The following MFHAS1 variants were observed in gnomAD, a reference collection of about 807,000 sequenced individuals.
The protein encoded by MFHAS1 is malignant fibrous histiocytoma-amplified sequence 1.
In MFHAS1, 50 loss-of-function variants were observed where a neutral mutation model predicts 70.4. That is an observed-to-expected ratio of 0.71 (90% CI 0.57 to 0.90). The LOEUF (loss-of-function observed/expected upper bound fraction) is 0.90, where lower values mean the gene tolerates loss of function less well. Among genes scored for constraint, MFHAS1 ranks in the 40% least tolerant of loss-of-function variants. The probability of loss-of-function intolerance (pLI) is 0.00; values close to 1 mark genes in which losing one functional copy is unlikely to be tolerated. For missense variants in MFHAS1, 1,795 were observed against 1,347.6 expected, an observed-to-expected ratio of 1.33 and a Z score of -5.20; for synonymous variants, 952 against 620.0, an observed-to-expected ratio of 1.54 and a Z score of -7.96.
At chr8:8,850,963 A>T (rs1039794367) in intron 1 of MFHAS1, among the ~76,000 whole-genome samples, 4 of 152,044 alleles carry the variant, frequency 2.6e-5, no homozygotes, top group African/African-American at 4.8e-5. Context: ...TATTCACCCC[A>T]TAGCTCCATC....
intron 1 of MFHAS1, among the ~76,000 whole-genome samples, chr8:8,853,155 G>T (rs1035152068): frequency 6.6e-6 from 1 of 151,750 alleles, no homozygotes; most frequent in African/African-American, 2.4e-5. Context: ...CACCCACTCA[G>T]GCTTATTTAC....
chr8:8,790,473 G>A (rs2117244950), intron 2 of MFHAS1: 5 of 612,626 alleles, frequency 8.2e-6, no homozygotes, highest in Non-Finnish European at 8.2e-6. Context: ...CAATGTGGCT[G>A]ACGGGAGACT....
At chr8:8,866,469 C>A (rs1351100604) in intron 1 of MFHAS1, among the ~76,000 whole-genome samples, 1 of 152,114 alleles carries the variant, frequency 6.6e-6, no homozygotes, top group Non-Finnish European at 1.5e-5. Context: ...CAGGCATGCA[C>A]CACCACGCCC....
intron 1 of MFHAS1, among the ~76,000 whole-genome samples, chr8:8,812,696 G>C (rs1425797336): frequency 6.6e-6 from 1 of 152,154 alleles, no homozygotes; most frequent in African/African-American, 2.4e-5. Flanking sequence ...CTTTTGCTTT[G>C]TGCTTGTTTT....
intron 1 of MFHAS1, among the ~76,000 whole-genome samples, chr8:8,835,564 T>G (rs73504232): frequency 2.9e-4 from 44 of 152,342 alleles, no homozygotes; most frequent in African/African-American, 1.1e-3. Context: ...ATTCCAAACT[T>G]GCTATATAAT....
At chr8:8,860,430 G>A (rs759557734) in intron 1 of MFHAS1, among the ~76,000 whole-genome samples, 38 of 152,260 alleles carry the variant, frequency 2.5e-4, no homozygotes, top group African/African-American at 8.2e-4. Flanking sequence ...CTTCAAGAAC[G>A]CCCTCTGTTC....
chr8:8,870,658 G>A (rs1284028393), intron 1 of MFHAS1, among the ~76,000 whole-genome samples: 2 of 152,020 alleles, frequency 1.3e-5, no homozygotes, highest in Non-Finnish European at 2.9e-5. Context: ...CACACACGTG[G>A]ATCAAGACAG....
At chr8:8,804,916 A>C (rs1453341525) in intron 1 of MFHAS1, among the ~76,000 whole-genome samples, 1 of 152,218 alleles carries the variant, frequency 6.6e-6, no homozygotes, top group African/African-American at 2.4e-5. Flanking sequence ...TCGTCCTGAC[A>C]GTAATGTTTG....
At chr8:8,879,046 G>C (rs937701315) in intron 1 of MFHAS1, among the ~76,000 whole-genome samples, 2 of 151,996 alleles carry the variant, frequency 1.3e-5, no homozygotes, top group African/African-American at 4.8e-5. Flanking sequence ...GTCTATAAAT[G>C]ACAAAAAAGG....
intron 1 of MFHAS1, among the ~76,000 whole-genome samples, chr8:8,859,075 G>A (rs1227731215): frequency 6.6e-6 from 1 of 152,216 alleles, no homozygotes; most frequent in Admixed American, 6.5e-5. Context: ...CACCACGGCT[G>A]GTAGTGATGG....
At chr8:8,815,488 G>A (rs552775963) in intron 1 of MFHAS1, among the ~76,000 whole-genome samples, 1 of 152,292 alleles carries the variant, frequency 6.6e-6, no homozygotes, top group Non-Finnish European at 1.5e-5. Flanking sequence ...CACCAACAGT[G>A]TAAAAGCATT....
intron 2 of MFHAS1, 130 bp downstream of exon 2, chr8:8,797,235 G>T: frequency 1.1e-6 from 1 of 949,756 alleles, no homozygotes; most frequent in Non-Finnish European, 1.5e-6. Context: ...TCATCCAGAA[G>T]AATTATGTCT....
intron 1 of MFHAS1, among the ~76,000 whole-genome samples, chr8:8,850,633 G>A (rs1191288737): frequency 6.6e-6 from 1 of 151,974 alleles, no homozygotes; most frequent in African/African-American, 2.4e-5. Context: ...CTAAGGTCAG[G>A]AGACCAGCCT....
In MFHAS1 at chr8:8,849,099, G is replaced by T. The variant is rs1456088153; in HGVS notation, c.2998+40962C>A. ...TTTTTTTTTTTTTTTTTTTTTTGGA[G>T]ACATAGAGTCTAGCTCTGTTGCCCA... On this transcript the variant is annotated intron_variant, in intron 1 of 2. Transcript: ENST00000276282. Among the ~76,000 whole-genome samples the T allele has an allele frequency of 8.2e-5, 7 of 85,790 alleles. No individual in the cohort carries two copies. The Admixed American group carries it at 1.3e-3, about 16-fold the overall frequency. The allele number at this position is 85,790 out of a possible 152,430, so 56.3% of individuals were successfully genotyped here.
chr8:8,808,435 C>G (rs146447307), intron 1 of MFHAS1, among the ~76,000 whole-genome samples: 1 of 152,340 alleles, frequency 6.6e-6, no homozygotes, highest in East Asian at 1.9e-4. Context: ...ATACGTCACC[C>G]TTATTTTACT....
chr8:8,845,546 C>A (rs1808001103), intron 1 of MFHAS1, among the ~76,000 whole-genome samples: 1 of 152,174 alleles, frequency 6.6e-6, no homozygotes, highest in Non-Finnish European at 1.5e-5. Flanking sequence ...TTTGACAAGA[C>A]CCTCCTGCTG....
chr8:8,858,164 G>A (rs547597889), intron 1 of MFHAS1, among the ~76,000 whole-genome samples: 3 of 152,228 alleles, frequency 2.0e-5, no homozygotes, highest in East Asian at 3.9e-4. Flanking sequence ...TACAAGGCAG[G>A]GAGTAGTTAA....
chr8:8,862,893 A>G (rs927056148), intron 1 of MFHAS1, among the ~76,000 whole-genome samples: 1 of 152,188 alleles, frequency 6.6e-6, no homozygotes, highest in African/African-American at 2.4e-5. Flanking sequence ...TCTAAAACAT[A>G]GTCTATTTAA....
chr8:8,815,220 T>C (rs532774450), intron 1 of MFHAS1, among the ~76,000 whole-genome samples: 2 of 152,346 alleles, frequency 1.3e-5, no homozygotes, highest in East Asian at 3.9e-4. Flanking sequence ...GGCTGCATTG[T>C]ATTCCATGGT....
Sources: allele counts gnomAD v4.1 joint callset (sites outside exome capture counted in the v4.1 genomes callset), GRCh38; gene constraint gnomAD v4.1.1; transcripts MANE v1.5; gene names NCBI Gene and HGNC (gene_info 2026-07-23, HGNC 2026-07-21).